ASB1: variants seen among roughly 807,000 people sequenced by gnomAD.
The protein encoded by ASB1 is ankyrin repeat and SOCS box protein 1.
Under a neutral mutation model 27.7 loss-of-function variants are expected in ASB1, and 18 were observed. That is an observed-to-expected ratio of 0.65 (90% CI 0.45 to 0.96). The LOEUF is 0.96. Ranked by LOEUF, ASB1 falls within the 50% of genes least tolerant of loss-of-function variation. The pLI is 0.00. For missense variants in ASB1, 397 were observed against 451.7 expected (o/e 0.88, Z 1.10); for synonymous variants, 189 against 187.6 (o/e 1.01, Z -0.06).
rs1298291094 is a variant in ASB1 at position 238,449,437 on chromosome 2, A to G, written c.*2926A>G. The G allele has an allele frequency of 2.6e-5, 4 of 152,546 alleles. No homozygotes were observed. The highest frequency in any genetic ancestry group is 9.7e-5 in the African/African-American group (4 of 41,436). The allele number at this position is 152,546 out of a possible 1,614,324, so 9.4% of individuals were successfully genotyped here. A position where few individuals can be genotyped will look rare whatever the true frequency, so the allele number is the denominator to read the frequency against. On this transcript the variant is annotated 3_prime_UTR_variant, in exon 5 of 5. Transcript: ENST00000264607. ...TTGCCCCTGGTTGCATCCCAGAAGC[A>G]TCTGACTGTCACCACTGCCAGTGGC...
At chr2:238,432,549 G>T (rs489244) in intron 1 of ASB1, among the ~76,000 whole-genome samples, 118,509 of 152,094 alleles carry the variant, frequency 0.78, 46,427 homozygotes, top group African/African-American at 0.82. Context: ...GGCAGCGTGG[G>T]AGGGAGTCAC....
At chr2:238,429,744 A>C (rs555451166) in intron 1 of ASB1, among the ~76,000 whole-genome samples, 13 of 152,274 alleles carry the variant, frequency 8.5e-5, no homozygotes, top group African/African-American at 2.9e-4. Flanking sequence ...CATCCTGGCT[A>C]ACATGGTGAA....
chr2:238,427,787 C>G (rs1331500301), intron 1 of ASB1: 1 of 152,384 alleles, frequency 6.6e-6, no homozygotes, highest in African/African-American at 2.4e-5. Flanking sequence ...TCCCGTTTCC[C>G]GGTGGTGTGG....
Position 238,449,437 on chromosome 2 carries a change from A to T in ASB1, c.*2926A>T, listed in dbSNP as rs1298291094. The T allele has an allele frequency of 6.6e-6, 1 of 152,546 alleles. No individual in the cohort carries two copies. Among genetic ancestry groups the T allele is most frequent in the Non-Finnish European group, 1.5e-5 (1 of 68,348 alleles). 9.4% of individuals were successfully genotyped at this position (152,546 alleles called of 1,614,324 possible). On this transcript the variant is annotated 3_prime_UTR_variant, in exon 5 of 5. Coordinates refer to ENST00000264607, the MANE Select transcript of ASB1 (RefSeq NM_001040445.3). The stretch of plus-strand genomic sequence containing the variant: ...TTGCCCCTGGTTGCATCCCAGAAGC[A>T]TCTGACTGTCACCACTGCCAGTGGC...
intron 3 of ASB1, among the ~76,000 whole-genome samples, chr2:238,441,284 G>A (rs1450538172): frequency 2.0e-5 from 3 of 151,942 alleles, no homozygotes; most frequent in African/African-American, 4.8e-5. Flanking sequence ...ACAGGTGCCC[G>A]CCACCACACT....
At chr2:238,437,848 A>T (rs1043913409) in intron 3 of ASB1, among the ~76,000 whole-genome samples, 4 of 152,204 alleles carry the variant, frequency 2.6e-5, no homozygotes, top group African/African-American at 9.7e-5. Context: ...GGTACTGAGA[A>T]TATGTTTTTC....
intron 1 of ASB1, among the ~76,000 whole-genome samples, chr2:238,432,257 A>AT (rs1455082426): frequency 2.6e-5 from 4 of 152,320 alleles, no homozygotes; most frequent in East Asian, 3.9e-4. Flanking sequence ...ACTTTAGAAT[A>AT]TTTTTTGTGA....
At chr2:238,446,307 C>T in intron 4 of ASB1, 77 bp from the exon 5 acceptor site, 2 of 1,491,926 alleles carry the variant, frequency 1.3e-6, no homozygotes, top group Non-Finnish European at 1.8e-6. Flanking sequence ...GGCTGGCAGT[C>T]CCAGCTGCCT....
At chr2:238,432,753 CTTTTTT>C (rs886702156) in intron 1 of ASB1, among the ~76,000 whole-genome samples, 10 of 145,534 alleles carry the variant, frequency 6.9e-5, no homozygotes, top group African/African-American at 2.5e-4. Context: ...TTTTCTTTTT[CTTTTTT>C]TTTTTGAGAC....
intron 1 of ASB1, among the ~76,000 whole-genome samples, chr2:238,430,636 T>C (rs1701851696): frequency 6.6e-6 from 1 of 152,244 alleles, no homozygotes; most frequent in Non-Finnish European, 1.5e-5. Context: ...CAGTTCATTT[T>C]TGCGCAGATC....
intron 1 of ASB1, among the ~76,000 whole-genome samples, chr2:238,433,039 C>A (rs1701900317): frequency 6.6e-6 from 1 of 152,196 alleles, no homozygotes; most frequent in African/African-American, 2.4e-5. Flanking sequence ...AGCCACCTCA[C>A]CTGGCTCAAT....
intron 3 of ASB1, among the ~76,000 whole-genome samples, chr2:238,439,855 TTC>T (rs1337826996): frequency 3.3e-5 from 5 of 152,226 alleles, no homozygotes; most frequent in African/African-American, 1.2e-4. Context: ...GCTATTCCTT[TTC>T]TCTCTGTAAG....
chr2:238,431,853 C>T (rs546132164), intron 1 of ASB1, among the ~76,000 whole-genome samples: 1 of 152,096 alleles, frequency 6.6e-6, no homozygotes, highest in African/African-American at 2.4e-5. Context: ...AAAACAATTA[C>T]AATAGTAACA....
intron 3 of ASB1, 141 bp downstream of exon 3, chr2:238,436,154 T>G (rs1701967523): frequency 1.5e-6 from 1 of 670,680 alleles, no homozygotes; most frequent in Non-Finnish European, 2.3e-6. Flanking sequence ...GCCTCTTGGC[T>G]TTATCAGGTC....
chr2:238,442,876 T>A (rs951593836), intron 3 of ASB1, among the ~76,000 whole-genome samples: 8 of 152,240 alleles, frequency 5.3e-5, no homozygotes, highest in African/African-American at 1.9e-4. Context: ...ATTTCAAGAT[T>A]TTCTGTAAAG....
chr2:238,446,426 G>A lies in ASB1; in HGVS notation c.923G>A (p.Arg308Lys). ...TLLCLCRVAV[R>K]RALGKHRLHL... ...CTGTGTCTGTGCCGTGTGGCTGTGA[G>A]AAGAGCTCTTGGCAAACACCGGCTT... The change falls in exon 5 of 5, where the codon AGA (arginine) becomes AAA (lysine). Residue 308 changes from arginine (R) to lysine (K), a missense_variant. Coordinates refer to ENST00000264607, the MANE Select transcript of ASB1 (RefSeq NM_001040445.3). 6.2e-7 allele frequency: 1 copy of A among 1,613,754 alleles called. No homozygotes were observed. The highest frequency in any genetic ancestry group is 2.2e-5 in the East Asian group (1 of 44,882).
Position 238,433,623 on chromosome 2 carries a change from G to A in ASB1, c.119G>A (p.Arg40Lys), listed in dbSNP as rs765683712. The A allele has an allele frequency of 1.9e-6, 3 of 1,614,158 alleles. No homozygotes were observed. The South Asian group carries it at 3.3e-5, about 18-fold the overall frequency. Reference protein sequence around the residue: ...DHPLEHCEDTRLHDAAYVGDL... With the variant: ...DHPLEHCEDTKLHDAAYVGDL... Reference sequence around the variant, plus strand: ...CCGCTGGAGCACTGTGAGGACACGAGGCTCCATGATGCAGCTTACGTCGGG... The same window carrying A: ...CCGCTGGAGCACTGTGAGGACACGAAGCTCCATGATGCAGCTTACGTCGGG... Residue 40 changes from arginine to lysine, a missense_variant, in exon 2 of 5, where the codon AGG becomes AAG. Physicochemically the swap from Arg to Lys is conservative, Grantham distance 26. Coordinates refer to ENST00000264607, the MANE Select transcript of ASB1 (RefSeq NM_001040445.3).
intron 3 of ASB1, among the ~76,000 whole-genome samples, 177 bp from the exon 4 acceptor site, chr2:238,444,165 C>T (rs1702131111): frequency 6.6e-6 from 1 of 152,200 alleles, no homozygotes; most frequent in Admixed American, 6.5e-5. Flanking sequence ...TTCTTTCCTG[C>T]TACCTTATCT....
Position 238,433,693 on chromosome 2 carries a change from G to A in ASB1, c.189G>A (p.Arg63=), listed in dbSNP as rs555625285. 3.0e-5 allele frequency: 49 copies of A among 1,613,842 alleles called. No homozygotes were observed. In the South Asian group the frequency reaches 5.4e-4, roughly 18 times the overall value. ...LRSLLQEESY[R]SRINEKSVWC... is the part of the protein sequence containing the mutation. ...GCCTATTGCAAGAGGAGAGCTACCG[G>A]AGGTGAGCGGCGCTGCCCAGGGCTG... is the stretch of plus-strand genomic sequence containing the variant. Residue 63 remains arginine (R), a splice_region_variant and synonymous_variant, in exon 2 of 5, where the codon CGG becomes CGA. Transcript: ENST00000264607.
Sources: allele counts gnomAD v4.1 joint callset (sites outside exome capture counted in the v4.1 genomes callset), GRCh38; gene constraint gnomAD v4.1.1; transcripts MANE v1.5; gene names NCBI Gene and HGNC (gene_info 2026-07-23, HGNC 2026-07-21).